FBXO34: variants seen among roughly 807,000 people sequenced by gnomAD.
FBXO34 encodes the protein F-box only protein 34.
In FBXO34, 12 loss-of-function variants were observed where a neutral mutation model predicts 24.5. The ratio of observed to expected loss-of-function variants is 0.49; its 90% CI spans 0.31 to 0.79. The LOEUF (loss-of-function observed/expected upper bound fraction) is 0.79. FBXO34 is among the 30% of genes least tolerant of loss of function. FBXO34 has a pLI of 0.04. For synonymous variants in FBXO34, 320 were observed against 311.9 expected, an observed-to-expected ratio of 1.03 and a Z score of -0.27; for missense variants, 823 against 857.7, an observed-to-expected ratio of 0.96 and a Z score of 0.51.
the FBXO34 span, among the ~76,000 whole-genome samples, chr14:55,402,961 AT>A: frequency 1.6e-3 from 125 of 76,734 alleles, 1 homozygote; most frequent in East Asian, 4.6e-3. Flanking sequence ...ATATATATAT[AT>A]ATATATAAAT....
chr14:55,402,874 T>C, the FBXO34 span, among the ~76,000 whole-genome samples: 2 of 77,350 alleles, frequency 2.6e-5, no homozygotes, highest in Non-Finnish European at 4.7e-5. Flanking sequence ...CCTGGCAACA[T>C]AGTAAGACTC....
At chr14:55,417,161 G>A in the FBXO34 span, among the ~76,000 whole-genome samples, 1 of 152,188 alleles carries the variant, frequency 6.6e-6, no homozygotes, top group Non-Finnish European at 1.5e-5. Flanking sequence ...ATTTCATAAA[G>A]GCATAAGAAA....
chr14:55,327,030 A>G (rs989608204), intron 1 of FBXO34, among the ~76,000 whole-genome samples: 1 of 152,190 alleles, frequency 6.6e-6, no homozygotes, highest in African/African-American at 2.4e-5. Flanking sequence ...AAAGGGGGAA[A>G]AAAGTGCTGC....
intron 1 of FBXO34, chr14:55,272,097 G>A (rs1881169496): frequency 6.6e-6 from 1 of 152,204 alleles, no homozygotes; most frequent in Non-Finnish European, 1.5e-5. Context: ...CTCAGTCCAC[G>A]ATGAAGTCAT....
chr14:55,407,398 G>A, the FBXO34 span, among the ~76,000 whole-genome samples: 1 of 152,174 alleles, frequency 6.6e-6, no homozygotes, highest in Non-Finnish European at 1.5e-5. Flanking sequence ...CAAAGTGCTG[G>A]GATTACAGGC....
At chr14:55,417,640 C>T in the FBXO34 span, among the ~76,000 whole-genome samples, 1 of 152,088 alleles carries the variant, frequency 6.6e-6, no homozygotes, top group South Asian at 2.1e-4. Flanking sequence ...TGTCTATTTT[C>T]AGTAGAGATG....
At chr14:55,386,559 G>A in the FBXO34 span, among the ~76,000 whole-genome samples, 1 of 152,224 alleles carries the variant, frequency 6.6e-6, no homozygotes, top group African/African-American at 2.4e-5. Flanking sequence ...TCCAGTAGAG[G>A]AGAAGGGCAA....
the FBXO34 span, chr14:55,413,938 T>A: frequency 3.1e-5 from 15 of 487,650 alleles, no homozygotes; most frequent in South Asian, 2.4e-4. Flanking sequence ...TCCCTTGATG[T>A]CTACAATATC....
the FBXO34 span, chr14:55,411,569 G>C: frequency 1.3e-6 from 2 of 1,576,690 alleles, no homozygotes; most frequent in Admixed American, 1.8e-5. Flanking sequence ...ACACACAGCA[G>C]AAGAAACAAT....
the FBXO34 span, chr14:55,413,862 A>G: frequency 2.3e-6 from 1 of 429,958 alleles, no homozygotes; most frequent in Non-Finnish European, 4.5e-6. Flanking sequence ...GCTGGGTAAC[A>G]CTGTAGACTC....
intron 1 of FBXO34, among the ~76,000 whole-genome samples, chr14:55,333,900 C>T (rs916885416): frequency 3.3e-5 from 5 of 152,074 alleles, no homozygotes; most frequent in African/African-American, 1.2e-4. Flanking sequence ...TAACTCATAG[C>T]TGAATGCCTG....
intron 1 of FBXO34, among the ~76,000 whole-genome samples, chr14:55,332,169 CTT>C (rs1883617625): frequency 6.6e-6 from 1 of 150,880 alleles, no homozygotes; most frequent in Non-Finnish European, 1.5e-5. Context: ...CAACTGGAAT[CTT>C]TGATCACACA....
the FBXO34 span, among the ~76,000 whole-genome samples, chr14:55,403,805 A>T: frequency 6.6e-6 from 1 of 152,230 alleles, no homozygotes; most frequent in Non-Finnish European, 1.5e-5. Context: ...ATGTGGTGGG[A>T]TTGTGAGAGA....
the FBXO34 span, among the ~76,000 whole-genome samples, chr14:55,384,906 T>G: frequency 6.6e-6 from 1 of 152,180 alleles, no homozygotes; most frequent in Non-Finnish European, 1.5e-5. Context: ...TATTACAAGA[T>G]GGACTGGGAG....
At chr14:55,293,320 G>C (rs1464691813) in intron 1 of FBXO34, among the ~76,000 whole-genome samples, 1 of 152,066 alleles carries the variant, frequency 6.6e-6, no homozygotes, top group African/African-American at 2.4e-5. Context: ...TGGGATTACA[G>C]GTGTGTGCCA....
At chr14:55,288,343 A>C (rs1195108979) in intron 1 of FBXO34, among the ~76,000 whole-genome samples, 1 of 152,234 alleles carries the variant, frequency 6.6e-6, no homozygotes, top group Non-Finnish European at 1.5e-5. Context: ...TAAGTACATA[A>C]AAATGGAATA....
At chr14:55,371,161 A>G (rs1884808436), downstream of FBXO34, among the ~76,000 whole-genome samples, 1 of 152,202 alleles carries the variant, frequency 6.6e-6, no homozygotes, top group South Asian at 2.1e-4. Context: ...GGTTTCACTG[A>G]TAACGACTTT....
the FBXO34 span, among the ~76,000 whole-genome samples, chr14:55,434,143 G>A: frequency 2.0e-5 from 3 of 151,924 alleles, no homozygotes; most frequent in African/African-American, 7.3e-5. Context: ...AGAATCTTTT[G>A]GGAAAAAAAT....
At chr14:55,294,347 T>G (rs1882049725) in intron 1 of FBXO34, among the ~76,000 whole-genome samples, 1 of 152,046 alleles carries the variant, frequency 6.6e-6, no homozygotes, top group Non-Finnish European at 1.5e-5. Flanking sequence ...CAGGCTGGAG[T>G]GCAGTGGTGT....
Sources: gnomAD v4.1 joint callset for allele counts (sites outside exome capture counted in the v4.1 genomes callset) on GRCh38, gnomAD v4.1.1 for gene constraint, MANE v1.5 for transcripts, NCBI Gene and HGNC (gene_info 2026-07-23, HGNC 2026-07-21) for gene names.